C10orf90: variants seen among roughly 807,000 people sequenced by gnomAD.
C10orf90 encodes the protein chromosome 10 open reading frame 90, also known as (E2-independent) E3 ubiquitin-conjugating enzyme FATS.
Under a neutral mutation model 62.5 loss-of-function variants are expected in C10orf90, and 56 were observed. That is an observed-to-expected ratio of 0.90 (90% CI 0.72 to 1.12). The LOEUF (loss-of-function observed/expected upper bound fraction) is 1.12. Ranked by LOEUF, C10orf90 falls within the 50% of genes most tolerant of loss-of-function variation. The pLI, the probability that C10orf90 is intolerant of heterozygous loss-of-function variation, is 0.00. For synonymous variants in C10orf90, 386 were observed against 340.4 expected (o/e 1.13, Z -1.47); for missense variants, 970 against 880.4 (o/e 1.10, Z -1.29).
At chr10:126,535,023 A>G (rs967422077) in intron 2 of C10orf90, among the ~76,000 whole-genome samples, 1 of 152,132 alleles carries the variant, frequency 6.6e-6, no homozygotes. Context: ...GCCACATATT[A>G]TCACCCCAGG....
At chr10:126,457,345 A>ATC (rs1859651420) in intron 7 of C10orf90, among the ~76,000 whole-genome samples, 2 of 152,282 alleles carry the variant, frequency 1.3e-5, no homozygotes, top group South Asian at 4.1e-4. Context: ...GCCCTAGGAA[A>ATC]TCAGTACAGA....
At chr10:126,625,085 G>C (rs1050549301) in intron 2 of C10orf90, among the ~76,000 whole-genome samples, 1 of 152,198 alleles carries the variant, frequency 6.6e-6, no homozygotes, top group Non-Finnish European at 1.5e-5. Context: ...TGAAGAGAGA[G>C]CCTGATGGGA....
intron 2 of C10orf90, among the ~76,000 whole-genome samples, chr10:126,517,908 C>CA (rs34182199): frequency 0.15 from 11,752 of 80,750 alleles, 732 homozygotes; most frequent in Non-Finnish European, 0.19. Context: ...GACTCCATCT[C>CA]AAAAAAAAAA....
intron 2 of C10orf90, among the ~76,000 whole-genome samples, chr10:126,622,338 C>T (rs1241374949): frequency 6.6e-6 from 1 of 152,184 alleles, no homozygotes; most frequent in Non-Finnish European, 1.5e-5. Context: ...ATCTTCATCA[C>T]CCCTGCCCAC....
chr10:126,461,774 G>A (rs1859995628), intron 5 of C10orf90, among the ~76,000 whole-genome samples, 189 bp from the exon 6 acceptor site: 1 of 152,194 alleles, frequency 6.6e-6, no homozygotes, highest in Admixed American at 6.5e-5. Context: ...AAGGAAGAGC[G>A]TTTGCATTCA....
At chr10:126,594,072 A>G (rs1845034636) in intron 2 of C10orf90, among the ~76,000 whole-genome samples, 1 of 150,766 alleles carries the variant, frequency 6.6e-6, no homozygotes, top group Admixed American at 6.6e-5. Flanking sequence ...TCCCCTGATA[A>G]TCACATAGTT....
At chr10:126,465,183 G>C (rs1479745935) in intron 4 of C10orf90, among the ~76,000 whole-genome samples, 197 bp from the exon 5 acceptor site, 2 of 152,046 alleles carry the variant, frequency 1.3e-5, no homozygotes, top group African/African-American at 4.8e-5. Context: ...GGTGTCCTTA[G>C]GAGCTCATAT....
intron 4 of C10orf90, among the ~76,000 whole-genome samples, chr10:126,472,929 T>C (rs1214847789): frequency 6.6e-6 from 1 of 152,180 alleles, no homozygotes; most frequent in Non-Finnish European, 1.5e-5. Flanking sequence ...ACTGAGCCTT[T>C]AGCATTCCAG....
At chr10:126,642,380 A>AAT (rs1382333705) in intron 2 of C10orf90, among the ~76,000 whole-genome samples, 1 of 151,998 alleles carries the variant, frequency 6.6e-6, no homozygotes, top group Non-Finnish European at 1.5e-5. Flanking sequence ...AAAATACAAA[A>AAT]AATTAGCCGG....
chr10:126,640,816 G>C (rs1036818734), intron 2 of C10orf90, among the ~76,000 whole-genome samples: 1 of 152,208 alleles, frequency 6.6e-6, no homozygotes, highest in Non-Finnish European at 1.5e-5. Flanking sequence ...GACTCTGAGG[G>C]GGAAAGGCAC....
intron 2 of C10orf90, among the ~76,000 whole-genome samples, chr10:126,546,309 G>T (rs1423336996): frequency 6.6e-6 from 1 of 152,106 alleles, no homozygotes; most frequent in East Asian, 1.9e-4. Context: ...AACCTAACTG[G>T]CAGGGTGGGG....
At chr10:126,650,837 C>T (rs1257319530) in intron 1 of C10orf90, among the ~76,000 whole-genome samples, 1 of 152,160 alleles carries the variant, frequency 6.6e-6, no homozygotes, top group East Asian at 1.9e-4. Context: ...AAAACGGTGG[C>T]TCTGTCACCT....
chr10:126,646,677 G>T (rs1846179098), intron 1 of C10orf90, 40 bp from the exon 2 acceptor site: 1 of 420,218 alleles, frequency 2.4e-6, no homozygotes, highest in Admixed American at 2.9e-5. Context: ...TTCATATTTT[G>T]ATTTGCCAGA....
chr10:126,462,042 G>GGCTTTGCAT (rs1860020912), intron 5 of C10orf90, among the ~76,000 whole-genome samples: 1 of 152,098 alleles, frequency 6.6e-6, no homozygotes, highest in African/African-American at 2.4e-5. Context: ...GACGACCACT[G>GGCTTTGCAT]GCTTTGCATA....
At chr10:126,612,088 C>T (rs899207795) in intron 2 of C10orf90, among the ~76,000 whole-genome samples, 7 of 152,264 alleles carry the variant, frequency 4.6e-5, no homozygotes, top group South Asian at 2.1e-4. Flanking sequence ...TGGGAGGCTG[C>T]GGCGGACAGA....
At chr10:126,490,155 G>GT (rs1554897685) in intron 4 of C10orf90, among the ~76,000 whole-genome samples, 12 of 126,896 alleles carry the variant, frequency 9.5e-5, no homozygotes, top group East Asian at 2.2e-4. Context: ...CATATAATTA[G>GT]AATATACACA....
chr10:126,599,747 C>A (rs1845159660), intron 2 of C10orf90, among the ~76,000 whole-genome samples: 1 of 152,028 alleles, frequency 6.6e-6, no homozygotes, highest in Admixed American at 6.6e-5. Context: ...AATTAAAGTG[C>A]TTTTTTCTCT....
At chr10:126,514,458 C>T (rs527450416) in intron 2 of C10orf90, among the ~76,000 whole-genome samples, 1 of 152,214 alleles carries the variant, frequency 6.6e-6, no homozygotes, top group South Asian at 2.1e-4. Flanking sequence ...ATGTAAAATC[C>T]CCCACATGTG....
At chr10:126,615,191 C>T (rs1023478419) in intron 2 of C10orf90, among the ~76,000 whole-genome samples, 8 of 152,202 alleles carry the variant, frequency 5.3e-5, no homozygotes, top group African/African-American at 1.9e-4. Context: ...AAGCCTCTGC[C>T]TGCATCCTAT....
Sources: allele counts gnomAD v4.1 joint callset (sites outside exome capture counted in the v4.1 genomes callset), GRCh38; gene constraint gnomAD v4.1.1; transcripts MANE v1.5; gene names NCBI Gene and HGNC (gene_info 2026-07-23, HGNC 2026-07-21).